The following PTPRD variants were observed in gnomAD, a reference collection of about 807,000 sequenced individuals.
The protein encoded by PTPRD is receptor-type tyrosine-protein phosphatase delta.
In PTPRD, 34 loss-of-function variants were observed where a neutral mutation model predicts 214.5. The observed-to-expected ratio is 0.16, with a 90% CI of 0.12 to 0.21. The LOEUF is 0.21. Among genes scored for constraint, PTPRD ranks in the 10% least tolerant of loss-of-function variants. The pLI, the probability that PTPRD is intolerant of heterozygous loss-of-function variation, is 1.00. For synonymous variants in PTPRD, 1,128 were observed against 845.7 expected (o/e 1.33, Z -5.79); for missense variants, 2,545 against 2,398.7 (o/e 1.06, Z -1.27).
At chr9:9,500,770 G>C (rs1589992041) in intron 8 of PTPRD, among the ~76,000 whole-genome samples, 1 of 152,114 alleles carries the variant, frequency 6.6e-6, no homozygotes, top group East Asian at 1.9e-4. Context: ...TTTCTTAAAA[G>C]ACAGATGAAT....
At chr9:9,962,662 C>T (rs965326491) in intron 4 of PTPRD, among the ~76,000 whole-genome samples, 1 of 152,074 alleles carries the variant, frequency 6.6e-6, no homozygotes, top group Admixed American at 6.6e-5. Flanking sequence ...CATCCATCCA[C>T]CTTTTATACT....
chr9:10,461,065 A>T (rs546657966), intron 2 of PTPRD, among the ~76,000 whole-genome samples: 1 of 152,228 alleles, frequency 6.6e-6, no homozygotes, highest in East Asian at 1.9e-4. Flanking sequence ...ATATAACCTG[A>T]TTAAAAACTG....
intron 9 of PTPRD, among the ~76,000 whole-genome samples, chr9:9,372,040 A>G (rs1225283674): frequency 6.6e-6 from 1 of 152,068 alleles, no homozygotes; most frequent in Non-Finnish European, 1.5e-5. Context: ...CAACTATGTG[A>G]TCAATTTTGG....
intron 14 of PTPRD, among the ~76,000 whole-genome samples, chr9:8,558,747 G>A (rs1269110190): frequency 2.0e-5 from 3 of 152,106 alleles, no homozygotes; most frequent in Non-Finnish European, 4.4e-5. Context: ...TCATATTAAT[G>A]TTACCAAAAT....
chr9:10,323,799 G>A (rs2096597412), intron 3 of PTPRD, among the ~76,000 whole-genome samples: 1 of 151,890 alleles, frequency 6.6e-6, no homozygotes, highest in Non-Finnish European at 1.5e-5. Context: ...ATTAATAAGT[G>A]TATTATTTAT....
intron 7 of PTPRD, among the ~76,000 whole-genome samples, chr9:9,615,426 C>T (rs2094800433): frequency 1.3e-5 from 2 of 152,186 alleles, no homozygotes; most frequent in Non-Finnish European, 2.9e-5. Context: ...GTAAACATCT[C>T]TGCTCTCCAT....
intron 5 of PTPRD, among the ~76,000 whole-genome samples, chr9:9,905,473 A>C (rs543184286): frequency 1.3e-5 from 2 of 152,078 alleles, no homozygotes; most frequent in East Asian, 3.9e-4. Context: ...CTACATACAA[A>C]AACTTGGCTC....
At chr9:9,544,197 AT>A (rs2078232105) in intron 8 of PTPRD, among the ~76,000 whole-genome samples, 1 of 151,628 alleles carries the variant, frequency 6.6e-6, no homozygotes, top group Non-Finnish European at 1.5e-5. Context: ...ATATCCGTGG[AT>A]TTTACCATTT....
intron 3 of PTPRD, among the ~76,000 whole-genome samples, chr9:10,316,963 T>A (rs575919323): frequency 8.6e-4 from 131 of 151,890 alleles, no homozygotes; most frequent in Middle Eastern, 3.4e-3. Flanking sequence ...TTAAAAAAAA[T>A]TAAAAACAAA....
intron 11 of PTPRD, among the ~76,000 whole-genome samples, chr9:8,965,864 A>C (rs2099190846): frequency 1.3e-5 from 2 of 152,158 alleles, no homozygotes; most frequent in Non-Finnish European, 2.9e-5. Context: ...CTTCACTGAC[A>C]ATATGATCCT....
chr9:8,791,696 A>G (rs2096243890), intron 11 of PTPRD, among the ~76,000 whole-genome samples: 1 of 151,898 alleles, frequency 6.6e-6, no homozygotes, highest in South Asian at 2.1e-4. Flanking sequence ...TGGACTGAAC[A>G]TGAGATTTGA....
rs1017313647 is a variant in PTPRD, at chr9:8,460,574, G to A, written c.3715-3C>T. On this transcript the variant is annotated splice_polypyrimidine_tract_variant and splice_region_variant and intron_variant, in intron 32 of 45. Transcript: ENST00000381196. ...TAAGGGCTGGTTGCATACATCTTCT[G>A]AGGAAAAGCAGAGTCTATTTCAGTT... The A allele has an allele frequency of 3.7e-6, 6 of 1,610,356 alleles. No homozygotes were observed. In the African/African-American group the frequency reaches 6.7e-5, roughly 18 times the overall value.
chr9:8,460,869 T>A (rs1710490208), intron 32 of PTPRD, among the ~76,000 whole-genome samples: 1 of 152,088 alleles, frequency 6.6e-6, no homozygotes, highest in Non-Finnish European at 1.5e-5. Context: ...TAAATGATCC[T>A]ATGAAGCGTA....
chr9:10,172,726 T>C lies in PTPRD; in HGVS notation c.-544-138936A>G, dbSNP rs183003655. 7.9e-5 allele frequency among the ~76,000 whole-genome samples: 12 copies of C among 152,258 alleles called. No individual in the cohort carries two copies. In the East Asian group the frequency reaches 2.1e-3, roughly 27 times the overall value. The stretch of plus-strand genomic sequence containing the variant: ...AGAAAGTTTATAATACAGAGAGCAA[T>C]TGTGTTTTGCTATCTGCTGATTAAA... On this transcript the variant is annotated intron_variant, in intron 3 of 45. Transcript: ENST00000381196.
chr9:9,877,973 C>CAAAAAAAAAAAAAAAAAAAA (rs758528718), intron 5 of PTPRD, among the ~76,000 whole-genome samples: 1 of 70,680 alleles, frequency 1.4e-5, no homozygotes, highest in Non-Finnish European at 2.9e-5. Context: ...AACTCCATCT[C>CAAAAAAAAAAAAAAAAAAAA]AAAAAAAAAA....
intron 8 of PTPRD, among the ~76,000 whole-genome samples, chr9:9,557,690 C>T (rs2081880978): frequency 6.6e-6 from 1 of 152,172 alleles, no homozygotes; most frequent in South Asian, 2.1e-4. Context: ...CCAAAACATT[C>T]CTTTCTATTG....
intron 12 of PTPRD, among the ~76,000 whole-genome samples, chr9:8,679,484 T>C (rs1485139012): frequency 1.3e-5 from 2 of 152,198 alleles, no homozygotes; most frequent in Non-Finnish European, 2.9e-5. Context: ...CACTTGCGGG[T>C]ATCTATGAAA....
chr9:8,840,206 C>A lies in PTPRD; in HGVS notation c.-103-106260G>T, dbSNP rs1366896074. On this transcript the variant is annotated intron_variant, in intron 11 of 45. Coordinates refer to ENST00000381196, the MANE Select transcript of PTPRD (RefSeq NM_002839.4). The stretch of plus-strand genomic sequence containing the variant: ...AATTTGATATGGTTTGGCTATGTCC[C>A]CACCCAAATCTCATCTTGAATTCCA... Among the ~76,000 whole-genome samples, 4 of 152,154 alleles carry A rather than the reference C, an allele frequency of 2.6e-5. No individual in the cohort carries two copies. The East Asian group carries it at 7.7e-4, about 29-fold the overall frequency.
intron 9 of PTPRD, among the ~76,000 whole-genome samples, chr9:9,329,280 A>T (rs968852656): frequency 4.2e-4 from 64 of 152,260 alleles, no homozygotes; most frequent in African/African-American, 1.5e-3. Context: ...ACACAAAAAA[A>T]CCAAAGTCTT....
Sources: allele counts gnomAD v4.1 joint callset (sites outside exome capture counted in the v4.1 genomes callset), GRCh38; gene constraint gnomAD v4.1.1; transcripts MANE v1.5; gene names NCBI Gene and HGNC (gene_info 2026-07-23, HGNC 2026-07-21).